FRMD5: variants seen among roughly 807,000 people sequenced by gnomAD.
FRMD5 encodes the protein FERM domain containing 5, also known as FERM domain-containing protein 5.
FRMD5 carries 20 observed loss-of-function variants against 69.0 expected under a neutral mutation model. The observed-to-expected ratio is 0.29, with a 90% confidence interval of 0.20 to 0.42. FRMD5 has a LOEUF of 0.42. Ranked by LOEUF, FRMD5 falls within the 10% of genes least tolerant of loss-of-function variation. The pLI, the probability that FRMD5 is intolerant of heterozygous loss-of-function variation, is 1.00. For missense variants in FRMD5, 595 were observed against 708.6 expected (o/e 0.84, Z 1.82); for synonymous variants, 271 against 260.1 (o/e 1.04, Z -0.40).
intron 1 of FRMD5, among the ~76,000 whole-genome samples, chr15:44,146,463 G>A (rs1566970252): frequency 6.6e-6 from 1 of 152,070 alleles, no homozygotes. Context: ...ACATACATGT[G>A]CATGTATCTT....
chr15:43,987,740 G>A (rs1477322877), intron 1 of FRMD5, among the ~76,000 whole-genome samples: 1 of 152,018 alleles, frequency 6.6e-6, no homozygotes, highest in African/African-American at 2.4e-5. Context: ...AGTAGAGATG[G>A]GGTTTCACCA....
intron 1 of FRMD5, among the ~76,000 whole-genome samples, chr15:44,156,049 G>A (rs1344256696): frequency 1.3e-5 from 2 of 152,112 alleles, no homozygotes; most frequent in Non-Finnish European, 2.9e-5. Context: ...CTGAGGCAAG[G>A]TTCAAAGCCT....
At chr15:44,181,310 T>C (rs114389527) in intron 1 of FRMD5, among the ~76,000 whole-genome samples, 2 of 152,072 alleles carry the variant, frequency 1.3e-5, no homozygotes, top group Non-Finnish European at 2.9e-5. Flanking sequence ...TCCCAAAGTG[T>C]TGGAGGCATG....
At chr15:43,989,603 G>C (rs537694500) in intron 1 of FRMD5, 5 of 855,936 alleles carry the variant, frequency 5.8e-6, no homozygotes, top group African/African-American at 1.7e-5. Flanking sequence ...GCTGTGCTAG[G>C]TGAGGACCTT....
intron 1 of FRMD5, among the ~76,000 whole-genome samples, chr15:44,039,823 A>T (rs1892107534): frequency 6.6e-6 from 1 of 152,164 alleles, no homozygotes; most frequent in South Asian, 2.1e-4. Context: ...ATGGAGAATG[A>T]GTTTGACGAA....
At chr15:44,036,685 A>C (rs1566912055) in intron 1 of FRMD5, among the ~76,000 whole-genome samples, 1 of 152,260 alleles carries the variant, frequency 6.6e-6, no homozygotes, top group African/African-American at 2.4e-5. Context: ...ACTAGCTTGT[A>C]GATTCTCTTG....
chr15:44,176,478 T>G (rs2077896514), intron 1 of FRMD5, among the ~76,000 whole-genome samples: 6 of 152,152 alleles, frequency 3.9e-5, no homozygotes. Context: ...TAGGCAATGA[T>G]TTCTTAGATA....
intron 1 of FRMD5, among the ~76,000 whole-genome samples, chr15:44,073,595 A>T (rs2140419753): frequency 6.6e-6 from 1 of 152,296 alleles, no homozygotes; most frequent in East Asian, 1.9e-4. Context: ...CCTGGCCCTG[A>T]CTGCATAGTT....
chr15:44,025,241 TG>T (rs1337725892), intron 1 of FRMD5, among the ~76,000 whole-genome samples: 8 of 152,154 alleles, frequency 5.3e-5, no homozygotes, highest in East Asian at 1.9e-4. Flanking sequence ...AAACTCCCTA[TG>T]AAAAAAATAA....
rs1048695799 is a variant in FRMD5 at position 44,090,010 on chromosome 15, C to T, written c.102+104943G>A. On this transcript the variant is annotated intron_variant, in intron 1 of 13. Coordinates refer to ENST00000417257, the MANE Select transcript of FRMD5 (RefSeq NM_032892.5). ...GTATCTCTCAGCAGTGTACACCCTG[C>T]ATGCACACACACGTGCATGCATGCT... Among the ~76,000 whole-genome samples the T allele has an allele frequency of 2.0e-4, 31 of 152,140 alleles. 1 individual carries two copies. The highest frequency in any genetic ancestry group is 6.5e-5 in the Admixed American group (1 of 15,270).
intron 1 of FRMD5, among the ~76,000 whole-genome samples, chr15:44,138,153 GA>G (rs2077215029): frequency 6.6e-6 from 1 of 151,902 alleles, no homozygotes; most frequent in Non-Finnish European, 1.5e-5. Flanking sequence ...CCAAATACAT[GA>G]AAAAAATTAA....
rs368028560 is a variant in FRMD5, at chr15:44,079,695, T to C, written c.102+115258A>G. Among the ~76,000 whole-genome samples, 18 of 152,160 alleles carry C rather than the reference T, an allele frequency of 1.2e-4. No individual in the cohort carries two copies. The East Asian group carries it at 1.7e-3, about 15-fold the overall frequency. On this transcript the variant is annotated intron_variant, in intron 1 of 13. Coordinates refer to ENST00000417257, the MANE Select transcript of FRMD5 (RefSeq NM_032892.5). ...AGCAGTATTATTCACAATAGGCAAA[T>C]AGTGGAAACAATCCAAATGTCCATT...
At chr15:43,970,394 CCT>C (rs2090356816) in intron 1 of FRMD5, among the ~76,000 whole-genome samples, 1 of 152,110 alleles carries the variant, frequency 6.6e-6, no homozygotes. Context: ...TAGTTTATGC[CCT>C]CTCTCGCTTC....
intron 1 of FRMD5, among the ~76,000 whole-genome samples, chr15:44,165,496 A>G (rs993301508): frequency 6.6e-6 from 1 of 152,214 alleles, no homozygotes; most frequent in Non-Finnish European, 1.5e-5. Context: ...CTCCAACACA[A>G]TAAGACAGTA....
At chr15:44,090,443 C>CTT (rs34584410) in intron 1 of FRMD5, among the ~76,000 whole-genome samples, 35 of 143,456 alleles carry the variant, frequency 2.4e-4, no homozygotes, top group Non-Finnish European at 4.0e-4. Context: ...TGAATAACTA[C>CTT]TTTTTTTTTT....
At chr15:44,064,070 CTG>C (rs1893208202) in intron 1 of FRMD5, 1 of 207,508 alleles carries the variant, frequency 4.8e-6, no homozygotes, top group African/African-American at 2.4e-5. Context: ...ACCCAGAAGA[CTG>C]TGGATGGCCC....
chr15:43,958,011 G>T (rs2090141340), intron 1 of FRMD5, among the ~76,000 whole-genome samples: 1 of 152,216 alleles, frequency 6.6e-6, no homozygotes, highest in Admixed American at 6.5e-5. Flanking sequence ...CTGAGGCTCA[G>T]AAAGGTCAAG....
At chr15:44,145,020 C>T (rs1463463575) in intron 1 of FRMD5, among the ~76,000 whole-genome samples, 1 of 152,182 alleles carries the variant, frequency 6.6e-6, no homozygotes, top group African/African-American at 2.4e-5. Flanking sequence ...AAGCAGAATG[C>T]TCTTATCCTT....
At chr15:43,888,990 G>T in intron 8 of FRMD5, 118 bp from the exon 9 acceptor site, 2 of 808,616 alleles carry the variant, frequency 2.5e-6, no homozygotes, top group Admixed American at 2.2e-5. Context: ...CACAATTTTA[G>T]CCAAAATCAG....
Sources: allele counts gnomAD v4.1 joint callset (sites outside exome capture counted in the v4.1 genomes callset), GRCh38; gene constraint gnomAD v4.1.1; transcripts MANE v1.5; gene names NCBI Gene and HGNC (gene_info 2026-07-23, HGNC 2026-07-21).